Variants in KIFC1 observed in about 807,000 individuals in gnomAD.
The protein encoded by KIFC1 is kinesin-like protein KIFC1.
Under a neutral mutation model 66.6 loss-of-function variants are expected in KIFC1, and 37 were observed. The ratio of observed to expected loss-of-function variants is 0.56; its 90% CI spans 0.43 to 0.73. The LOEUF is 0.73. KIFC1 is among the 30% of genes least tolerant of loss of function. KIFC1 has a pLI of 0.00. For synonymous variants in KIFC1, 325 were observed against 343.5 expected, an observed-to-expected ratio of 0.95 and a Z score of 0.60; for missense variants, 721 against 859.8, an observed-to-expected ratio of 0.84 and a Z score of 2.02.
At chr6:33,407,357 C>T (rs901085770) in intron 10 of KIFC1, among the ~76,000 whole-genome samples, 5 of 152,148 alleles carry the variant, frequency 3.3e-5, no homozygotes, top group African/African-American at 4.8e-5. Flanking sequence ...TGCAGTGAGC[C>T]GTGATCCTAC....
chr6:33,397,562 C>T (rs1369168174), intron 1 of KIFC1, among the ~76,000 whole-genome samples: 3 of 152,194 alleles, frequency 2.0e-5, no homozygotes, highest in Non-Finnish European at 4.4e-5. Flanking sequence ...TCCCAAAGTG[C>T]TGGGATTACA....
rs1192853601 is a variant in KIFC1, at chr6:33,403,468, C to A, written c.305-17C>A. 9 of 1,613,874 alleles carry A rather than the reference C, an allele frequency of 5.6e-6. No individual in the cohort carries two copies. The highest frequency in any genetic ancestry group is 1.1e-5 in the South Asian group (1 of 91,076). On this transcript the variant is annotated splice_polypyrimidine_tract_variant and intron_variant, in intron 4 of 10. Coordinates refer to ENST00000428849, the MANE Select transcript of KIFC1 (RefSeq NM_002263.4). The surrounding 1 kb of genome is among the most constrained non-coding windows in gnomAD (Gnocchi z 4.6). ...CACTGGTCCTGTAATTCCTAAGTCACCTCCTCAATTCTGTAGGGTTGAAGA... is the reference window on the plus strand; with the variant it reads ...CACTGGTCCTGTAATTCCTAAGTCAACTCCTCAATTCTGTAGGGTTGAAGA...
chr6:33,398,366 C>G lies in KIFC1; in HGVS notation c.229C>G (p.Gln77Glu). ...PRVPSLTTVP[Q>E]TQGQTTAQKV... ...AGTTCCATCCCTCACTACAGTGCCA[C>G]AGACACAAGGCCAGACCACAGGTGG... The change falls in exon 3 of 11, where the codon CAG (glutamine) becomes GAG (glutamate). Residue 77 changes from glutamine to glutamate, a missense_variant. Physicochemically the swap from Gln to Glu is conservative, Grantham distance 29 (BLOSUM62 2). Transcript: ENST00000428849. 1 of 1,613,946 alleles carries G rather than the reference C, an allele frequency of 6.2e-7. No individual in the cohort carries two copies. The highest frequency in any genetic ancestry group is 1.3e-5 in the African/African-American group (1 of 75,030).
rs1006313119 is a variant in KIFC1 at position 33,394,552 on chromosome 6, G to T, written c.12+2555G>T. On this transcript the variant is annotated intron_variant, in intron 1 of 10. Transcript: ENST00000428849. ...GCTGGAGTGCAGTGGTGTGATCTCA[G>T]CTCACTGCAACTTCTACCTCCCAGC... Among the ~76,000 whole-genome samples the T allele has an allele frequency of 2.4e-4, 36 of 152,154 alleles. 1 individual carries two copies. Among genetic ancestry groups the T allele is most frequent in the Non-Finnish European group, 2.1e-4 (14 of 68,024 alleles).
Position 33,403,445 on chromosome 6 carries a change from C to T in KIFC1, c.305-40C>T. 1 of 1,610,544 alleles carries T rather than the reference C, an allele frequency of 6.2e-7. No individual in the cohort carries two copies. Among genetic ancestry groups the T allele is most frequent in the Non-Finnish European group, 8.5e-7 (1 of 1,176,720 alleles). The stretch of plus-strand genomic sequence containing the variant: ...GGAGAATGATGGAGGTGGAGGGACA[C>T]TGGTCCTGTAATTCCTAAGTCACCT... On this transcript the variant is annotated intron_variant, in intron 4 of 10. Transcript: ENST00000428849. The surrounding 1 kb of genome is among the most constrained non-coding windows in gnomAD (Gnocchi z 4.6).
In KIFC1 at chr6:33,405,955, C is replaced by G. The variant is rs1221612599; in HGVS notation, c.1537-241C>G. ...GTGCTCCCCATCTCAGGGCCTTTGC[C>G]TGGATGCTCTTTCCTGGAGATCTTG... is the stretch of plus-strand genomic sequence containing the variant. On this transcript the variant is annotated intron_variant, in intron 7 of 10. Coordinates refer to ENST00000428849, the MANE Select transcript of KIFC1 (RefSeq NM_002263.4). The surrounding 1 kb of genome is among the most constrained non-coding windows in gnomAD (Gnocchi z 5.4). Among the ~76,000 whole-genome samples, 2 of 152,192 alleles carry G rather than the reference C, an allele frequency of 1.3e-5. No individual in the cohort carries two copies. Among genetic ancestry groups the G allele is most frequent in the African/African-American group, 4.8e-5 (2 of 41,434 alleles).
Position 33,404,771 on chromosome 6 carries a change from C to A in KIFC1, c.757-81C>A. 7.3e-7 allele frequency: 1 copy of A among 1,360,948 alleles called. No individual in the cohort carries two copies. The highest frequency in any genetic ancestry group is 1.0e-6 in the Non-Finnish European group (1 of 992,040). The allele number at this position is 1,360,948 out of a possible 1,614,324, so 84.3% of individuals were successfully genotyped here. On this transcript the variant is annotated intron_variant, in intron 6 of 10. Coordinates refer to ENST00000428849, the MANE Select transcript of KIFC1 (RefSeq NM_002263.4). This position sits in a 1 kb window ranked among gnomAD's most constrained non-coding sequence, Gnocchi z 4.0. Reference sequence around the variant, plus strand: ...CTTTTGAGCAGGGACCTCACTTCCACCCACTCCATACGCCCCACAGTTTGT... The same window carrying A: ...CTTTTGAGCAGGGACCTCACTTCCAACCACTCCATACGCCCCACAGTTTGT...
At position 33,406,055 on chromosome 6, in the gene KIFC1, AG is replaced by A; in HGVS notation, c.1537-140del. ...ATTCTATGTATTCCTTACCATTTTC[AG>A]ACATACTGTGCATCTTATTTTGTTT... On this transcript the variant is annotated intron_variant, in intron 7 of 10. Transcript: ENST00000428849. This position sits in a 1 kb window ranked among gnomAD's most constrained non-coding sequence, Gnocchi z 4.5. The A allele has an allele frequency of 1.3e-6, 1 of 768,134 alleles. No individual in the cohort carries two copies. The highest frequency in any genetic ancestry group is 2.9e-5 in the Admixed American group (1 of 35,072). The allele number at this position is 768,134 out of a possible 1,614,324, so 47.6% of individuals were successfully genotyped here.
intron 1 of KIFC1, among the ~76,000 whole-genome samples, chr6:33,395,652 C>T (rs1014746165): frequency 2.6e-5 from 4 of 152,156 alleles, no homozygotes; most frequent in African/African-American, 9.7e-5. Context: ...CCTGAATAAA[C>T]AAACCTTTAA....
At position 33,405,681 on chromosome 6, in the gene KIFC1, G is replaced by T. The variant is rs1224779524; in HGVS notation, c.1536+50G>T. On this transcript the variant is annotated intron_variant, in intron 7 of 10. Transcript: ENST00000428849. This position sits in a 1 kb window ranked among gnomAD's most constrained non-coding sequence, Gnocchi z 5.4. ...TGGGAAATGGGGAGGAGTGGGCAGG[G>T]TGCCACGAGATGGAGGTAGAGGGAG... 1 of 1,448,738 alleles carries T rather than the reference G, an allele frequency of 6.9e-7. No individual in the cohort carries two copies. The highest frequency in any genetic ancestry group is 9.1e-7 in the Non-Finnish European group (1 of 1,099,962). The allele number at this position is 1,448,738 out of a possible 1,614,324, so 89.7% of individuals were successfully genotyped here. A position where few individuals can be genotyped will look rare whatever the true frequency, so the allele number is the denominator to read the frequency against.
At chr6:33,392,137 T>C in intron 1 of KIFC1, 140 bp downstream of exon 1, 2 of 968,522 alleles carry the variant, frequency 2.1e-6, no homozygotes, top group Non-Finnish European at 3.0e-6. Context: ...CCCGCACAAG[T>C]GGAAAGGGGC....
In KIFC1 at chr6:33,401,261, A is replaced by G. The variant is rs1033244089; in HGVS notation, c.251-2053A>G. Reference sequence around the variant, plus strand: ...GTGATTCTCCTGCCTCAGCCTCCCGAGTAGCTGGGACTATAGGTGTGTGCC... The same window carrying G: ...GTGATTCTCCTGCCTCAGCCTCCCGGGTAGCTGGGACTATAGGTGTGTGCC... On this transcript the variant is annotated intron_variant, in intron 3 of 10. Coordinates refer to ENST00000428849, the MANE Select transcript of KIFC1 (RefSeq NM_002263.4). This position sits in a 1 kb window ranked among gnomAD's most constrained non-coding sequence, Gnocchi z 4.5. Among the ~76,000 whole-genome samples the G allele has an allele frequency of 3.3e-5, 5 of 151,718 alleles. No homozygotes were observed. Among genetic ancestry groups the G allele is most frequent in the African/African-American group, 1.2e-4 (5 of 41,264 alleles).
intron 1 of KIFC1, among the ~76,000 whole-genome samples, chr6:33,392,998 C>T (rs1209464704): frequency 1.3e-5 from 2 of 151,962 alleles, no homozygotes; most frequent in Non-Finnish European, 2.9e-5. Context: ...TGCCAGAAGG[C>T]CGTAAGTGCT....
chr6:33,395,261 G>T (rs1034315815), intron 1 of KIFC1, among the ~76,000 whole-genome samples: 1 of 152,198 alleles, frequency 6.6e-6, no homozygotes, highest in African/African-American at 2.4e-5. Flanking sequence ...GGAAAGCAGA[G>T]TTCAGATTCT....
chr6:33,405,446 C>T lies in KIFC1; in HGVS notation c.1351C>T (p.Gln451Ter). ...LFSVAQELSG[Q>*]GWTYSFVASY... Reference sequence around the variant, plus strand: ...CTCTGTGGCTCAGGAGCTGAGTGGTCAGGGCTGGACCTACAGCTTTGTAGC... The same window carrying T: ...CTCTGTGGCTCAGGAGCTGAGTGGTTAGGGCTGGACCTACAGCTTTGTAGC... Residue 451 changes from glutamine to a stop codon, truncating the protein, a stop_gained, in exon 7 of 11, where the codon CAG (glutamine) becomes TAG (stop). Transcript: ENST00000428849. LOFTEE classifies it high-confidence loss of function. The surrounding 1 kb of genome is among the most constrained non-coding windows in gnomAD (Gnocchi z 5.4). The T allele has an allele frequency of 6.2e-7, 1 of 1,606,082 alleles. No homozygotes were observed. The highest frequency in any genetic ancestry group is 8.5e-7 in the Non-Finnish European group (1 of 1,175,250).
intron 3 of KIFC1, among the ~76,000 whole-genome samples, chr6:33,402,450 G>A (rs964606567): frequency 2.6e-5 from 4 of 151,996 alleles, no homozygotes; most frequent in Admixed American, 1.3e-4. Context: ...GGCTGGATGT[G>A]GTGGCTCACG....
rs1172055200 is a variant in KIFC1 at position 33,406,249 on chromosome 6, C to T, written c.1590C>T (p.Ala530=). 2 of 1,613,978 alleles carry T rather than the reference C, an allele frequency of 1.2e-6. No individual in the cohort carries two copies. The highest frequency in any genetic ancestry group is 8.5e-7 in the Non-Finnish European group (1 of 1,179,996). The change falls in exon 8 of 11, where the codon GCC becomes GCT. Residue 530 remains alanine, a synonymous_variant. Transcript: ENST00000428849. This position sits in a 1 kb window ranked among gnomAD's most constrained non-coding sequence, Gnocchi z 4.5. ...ARQNRAVART[A]QNERSSRSHS... ...AGAATCGGGCTGTGGCCCGCACAGCCCAGAATGAACGGTCATCACGCAGCC... is the reference window on the plus strand; with the variant it reads ...AGAATCGGGCTGTGGCCCGCACAGCTCAGAATGAACGGTCATCACGCAGCC...
At chr6:33,393,843 T>A (rs1251542200) in intron 1 of KIFC1, among the ~76,000 whole-genome samples, 1 of 140,674 alleles carries the variant, frequency 7.1e-6, no homozygotes, top group Non-Finnish European at 1.5e-5. Context: ...GCCTCCCGGG[T>A]TCAGGCGATT....
rs767808262 is a variant in KIFC1 at position 33,405,125 on chromosome 6, C to G, written c.1030C>G (p.Pro344Ala). The G allele has an allele frequency of 1.2e-5, 20 of 1,614,078 alleles. No individual in the cohort carries two copies. The highest frequency in any genetic ancestry group is 1.7e-5 in the Non-Finnish European group (20 of 1,180,058). ...FPSGPGGPSD[P>A]PTRLSLSRSD... ...CTCTGGCCCTGGTGGGCCCTCTGAT[C>G]CTCCAACCCGCCTTAGCCTCTCCCG... Residue 344 changes from proline (P) to alanine (A), a missense_variant, in exon 7 of 11, where the codon CCT becomes GCT. Physicochemically the swap from Pro to Ala is conservative, Grantham distance 27. Transcript: ENST00000428849. This position sits in a 1 kb window ranked among gnomAD's most constrained non-coding sequence, Gnocchi z 5.4.
Sources: allele counts gnomAD v4.1 joint callset (sites outside exome capture counted in the v4.1 genomes callset), GRCh38; gene constraint gnomAD v4.1.1; non-coding constraint Gnocchi (gnomAD v3.1); transcripts MANE v1.5; gene names NCBI Gene and HGNC (gene_info 2026-07-23, HGNC 2026-07-21).